PDE1C: variants seen among roughly 807,000 people sequenced by gnomAD.
The protein encoded by PDE1C is dual specificity calcium/calmodulin-dependent 3',5'-cyclic nucleotide phosphodiesterase 1C.
A neutral mutation model predicts 93.1 loss-of-function variants in PDE1C; 62 were observed. The observed-to-expected ratio is 0.67, with a 90% CI of 0.54 to 0.82. The LOEUF is 0.82. Ranked by LOEUF, PDE1C falls within the 40% of genes least tolerant of loss-of-function variation. The pLI is 0.00. For missense variants in PDE1C, 742 were observed against 884.6 expected (o/e 0.84, Z 2.04); for synonymous variants, 325 against 310.1 (o/e 1.05, Z -0.50).
the PDE1C span, among the ~76,000 whole-genome samples, chr7:31,679,054 C>T: frequency 1.3e-5 from 2 of 152,158 alleles, no homozygotes. Context: ...CCAAATGAAC[C>T]TATAATCTAG....
chr7:31,867,910 A>C (rs905648159), intron 6 of PDE1C, among the ~76,000 whole-genome samples: 2 of 152,212 alleles, frequency 1.3e-5, no homozygotes, highest in Non-Finnish European at 2.9e-5. Context: ...ACTCTAAGCT[A>C]CTGAAGAAAT....
chr7:32,199,278 T>A (rs1804838974), intron 2 of PDE1C, among the ~76,000 whole-genome samples: 1 of 152,182 alleles, frequency 6.6e-6, no homozygotes, highest in South Asian at 2.1e-4. Context: ...TTTTTTATTT[T>A]CCTGATTGAA....
At chr7:32,113,946 G>A (rs1262541608) in intron 3 of PDE1C, among the ~76,000 whole-genome samples, 1 of 152,082 alleles carries the variant, frequency 6.6e-6, no homozygotes. Context: ...ATTCTTCAAG[G>A]AGAACTGCAA....
intron 1 of PDE1C, among the ~76,000 whole-genome samples, chr7:32,282,875 C>T (rs1811763821): frequency 1.3e-5 from 2 of 152,132 alleles, no homozygotes; most frequent in African/African-American, 4.8e-5. Context: ...CCACTGTGCC[C>T]GGCCTATATG....
chr7:32,029,343 G>A (rs1184690701), intron 2 of PDE1C, among the ~76,000 whole-genome samples: 1 of 152,108 alleles, frequency 6.6e-6, no homozygotes, highest in African/African-American at 2.4e-5. Flanking sequence ...CTACTTCCTA[G>A]TATTTATCCA....
intron 1 of PDE1C, among the ~76,000 whole-genome samples, chr7:32,252,834 A>G (rs1585032924): frequency 6.6e-6 from 1 of 152,378 alleles, no homozygotes; most frequent in Middle Eastern, 3.4e-3. Context: ...CAAATGTTTT[A>G]CCACTAGTTT....
intron 1 of PDE1C, among the ~76,000 whole-genome samples, chr7:32,322,757 A>C (rs1469037723): frequency 1.3e-5 from 2 of 151,904 alleles, no homozygotes; most frequent in Non-Finnish European, 2.9e-5. Flanking sequence ...CTGGGAATAC[A>C]GGCGCCTGCC....
chr7:32,129,030 A>G (rs1212358020), intron 3 of PDE1C, among the ~76,000 whole-genome samples: 1 of 149,272 alleles, frequency 6.7e-6, no homozygotes, highest in Admixed American at 6.7e-5. Context: ...ATAAAACAAT[A>G]TAATTTGTGC....
chr7:32,306,082 T>A (rs1375086603), intron 1 of PDE1C, among the ~76,000 whole-genome samples: 3 of 152,156 alleles, frequency 2.0e-5, no homozygotes, highest in African/African-American at 7.2e-5. Flanking sequence ...GAAACCCCTT[T>A]CACTTGATCC....
the PDE1C span, among the ~76,000 whole-genome samples, chr7:31,625,651 C>T: frequency 6.6e-6 from 1 of 151,872 alleles, no homozygotes. Context: ...AGGGATAGCA[C>T]TGGGAGATAT....
the PDE1C span, chr7:31,653,291 G>A: frequency 6.2e-6 from 1 of 160,518 alleles, no homozygotes. Flanking sequence ...GGGTACATAG[G>A]AGGCAAACAG....
intron 1 of PDE1C, among the ~76,000 whole-genome samples, chr7:32,061,272 T>C (rs187611227): frequency 6.6e-6 from 1 of 152,328 alleles, no homozygotes; most frequent in East Asian, 1.9e-4. Context: ...TGGCAGAATA[T>C]TGAATACCGG....
rs371753544 is a variant in PDE1C at position 32,367,418 on chromosome 7, A to G, written c.310+60404T>C. Among the ~76,000 whole-genome samples the G allele has an allele frequency of 3.3e-5, 5 of 152,372 alleles. No homozygotes were observed. In the East Asian group the frequency reaches 9.6e-4, roughly 29 times the overall value. Reference sequence around the variant, plus strand: ...GAGTAAGTTCTCACCTATCAATAATAACCCTGAATGTAAACAGATGAAATT... The same window carrying G: ...GAGTAAGTTCTCACCTATCAATAATGACCCTGAATGTAAACAGATGAAATT... On this transcript the variant is annotated intron_variant, in intron 1 of 1. Transcript: ENST00000672256.
chr7:31,888,709 G>A (rs1019310034), intron 2 of PDE1C, among the ~76,000 whole-genome samples: 21 of 152,072 alleles, frequency 1.4e-4, no homozygotes, highest in African/African-American at 4.8e-4. Context: ...TAATGATACA[G>A]AATTGTATCA....
chr7:31,816,224 T>C, intron 14 of PDE1C, 70 bp from the exon 15 acceptor site: 1 of 1,393,272 alleles, frequency 7.2e-7, no homozygotes, highest in Non-Finnish European at 1.0e-6. Context: ...GAGAATGGCC[T>C]GTTTTAGTAC....
At chr7:31,623,406 A>G in the PDE1C span, among the ~76,000 whole-genome samples, 1 of 151,322 alleles carries the variant, frequency 6.6e-6, no homozygotes, top group Non-Finnish European at 1.5e-5. Flanking sequence ...CTTATCCACC[A>G]TGATCAAGTG....
chr7:31,766,616 A>T (rs1349159138), intron 17 of PDE1C, among the ~76,000 whole-genome samples: 1 of 152,188 alleles, frequency 6.6e-6, no homozygotes, highest in Non-Finnish European at 1.5e-5. Flanking sequence ...AGAATTTGGT[A>T]TTTATCATTG....
chr7:32,300,610 A>G (rs956826703), upstream of PDE1C, among the ~76,000 whole-genome samples: 2 of 152,150 alleles, frequency 1.3e-5, no homozygotes, highest in African/African-American at 4.8e-5. Context: ...AATAAGGATT[A>G]AGTAGGAGTA....
At chr7:32,312,622 T>C (rs2128904989) in intron 1 of PDE1C, among the ~76,000 whole-genome samples, 1 of 152,322 alleles carries the variant, frequency 6.6e-6, no homozygotes, top group Admixed American at 6.5e-5. Context: ...CATCTGGTCT[T>C]TGACAAACCT....
Sources: gnomAD v4.1 joint callset for allele counts (sites outside exome capture counted in the v4.1 genomes callset) on GRCh38, gnomAD v4.1.1 for gene constraint, MANE v1.5 for transcripts, NCBI Gene and HGNC (gene_info 2026-07-23, HGNC 2026-07-21) for gene names.